The following RFTN1 variants were observed in gnomAD, a reference collection of about 807,000 sequenced individuals.
The protein encoded by RFTN1 is raftlin.
In RFTN1, 26 loss-of-function variants were observed where a neutral mutation model predicts 46.5. That is an observed-to-expected ratio of 0.56 (90% confidence interval 0.41 to 0.78). The LOEUF (loss-of-function observed/expected upper bound fraction) is 0.78, where lower values mean the gene tolerates loss of function less well. Ranked by LOEUF, RFTN1 falls within the 30% of genes least tolerant of loss-of-function variation. The probability of loss-of-function intolerance (pLI) is 0.00; values close to 1 mark genes in which losing one functional copy is unlikely to be tolerated. For synonymous variants in RFTN1, 261 were observed against 284.2 expected (o/e 0.92, Z 0.82); for missense variants, 693 against 718.7 (o/e 0.96, Z 0.41).
chr3:16,404,560 G>A (rs2074804360), intron 4 of RFTN1, among the ~76,000 whole-genome samples: 1 of 149,996 alleles, frequency 6.7e-6, no homozygotes, highest in Admixed American at 6.8e-5. Flanking sequence ...ATCAAAGGAA[G>A]CCCACCCAGA....
At chr3:16,503,819 T>G (rs896917598) in intron 1 of RFTN1, among the ~76,000 whole-genome samples, 1 of 152,230 alleles carries the variant, frequency 6.6e-6, no homozygotes, top group Non-Finnish European at 1.5e-5. Flanking sequence ...TCCAAAATTA[T>G]TTTAATTATA....
rs1389923769 is a variant in RFTN1, at chr3:16,425,265, G to A, written c.332+8586C>T. ...AGATTGTATGTACATGTGGGAAGAG[G>A]GGGCCTCTATTTTATTTAAAAACAA... On this transcript the variant is annotated intron_variant, in intron 3 of 9. Transcript: ENST00000334133. The surrounding 1 kb of genome is among the most constrained non-coding windows in gnomAD (Gnocchi z 4.3). Among the ~76,000 whole-genome samples, 1 of 152,110 alleles carries A rather than the reference G, an allele frequency of 6.6e-6. No individual in the cohort carries two copies. The highest frequency in any genetic ancestry group is 1.5e-5 in the Non-Finnish European group (1 of 68,006).
At chr3:16,436,023 C>A (rs763058329) in intron 2 of RFTN1, among the ~76,000 whole-genome samples, 11 of 150,526 alleles carry the variant, frequency 7.3e-5, no homozygotes, top group Non-Finnish European at 1.5e-4. Flanking sequence ...GATTTATCTG[C>A]CATCAGTGAT....
Position 16,465,419 on chromosome 3 carries a change from GACACACACAC to G in RFTN1, c.145+28296_145+28305del, listed in dbSNP as rs10560544. On this transcript the variant is annotated intron_variant, in intron 2 of 9. Transcript: ENST00000334133. This position sits in a 1 kb window ranked among gnomAD's most constrained non-coding sequence, Gnocchi z 5.1. ...CCAACAGAGGTTGGCAGCTCAGAGG[GACACACACAC>G]ACACACACACACACACACACACACA... Among the ~76,000 whole-genome samples, 1,539 of 143,394 alleles carry G rather than the reference GACACACACAC, an allele frequency of 0.011. 9 individuals carry two copies. Among genetic ancestry groups the G allele is most frequent in the Middle Eastern group, 0.025 (7 of 282 alleles). The allele number at this position is 143,394 out of a possible 152,430, so 94.1% of individuals were successfully genotyped here.
At position 16,507,820 on chromosome 3, in the gene RFTN1, T is replaced by TACACAC. The variant is rs1376061163; in HGVS notation, c.-9+5621_-9+5622insGTGTGT. On this transcript the variant is annotated intron_variant, in intron 1 of 9. Coordinates refer to ENST00000334133, the MANE Select transcript of RFTN1 (RefSeq NM_015150.2). This position sits in a 1 kb window ranked among gnomAD's most constrained non-coding sequence, Gnocchi z 7.1. Reference sequence around the variant, plus strand: ...ACACACACAAACGCACATACATACATACATACACACACACACACATACACA... The same window carrying TACACAC: ...ACACACACAAACGCACATACATACATACACACACATACACACACACACACATACACA... Among the ~76,000 whole-genome samples the TACACAC allele has an allele frequency of 8.1e-6, 1 of 123,646 alleles. No homozygotes were observed. Among genetic ancestry groups the TACACAC allele is most frequent in the Non-Finnish European group, 1.7e-5 (1 of 57,404 alleles). 81.1% of individuals were successfully genotyped at this position (123,646 alleles called of 152,430 possible).
intron 4 of RFTN1, among the ~76,000 whole-genome samples, chr3:16,401,802 T>C (rs561747641): frequency 6.0e-4 from 92 of 152,314 alleles, no homozygotes; most frequent in African/African-American, 2.2e-3. Context: ...TTAACTTCTC[T>C]AAAACAAAGC....
At chr3:16,377,098 G>A (rs1220242365) in intron 5 of RFTN1, among the ~76,000 whole-genome samples, 9 of 152,044 alleles carry the variant, frequency 5.9e-5, no homozygotes, top group Non-Finnish European at 8.8e-5. Flanking sequence ...CCTGAAGAAA[G>A]TAGAGAAAAA....
chr3:16,467,807 G>A (rs1356256152), intron 2 of RFTN1, among the ~76,000 whole-genome samples: 1 of 152,220 alleles, frequency 6.6e-6, no homozygotes, highest in Admixed American at 6.5e-5. Flanking sequence ...ATGGGTGAAA[G>A]CCTTTCACAG....
chr3:16,369,261 TCAA>T (rs1028726078), intron 6 of RFTN1, among the ~76,000 whole-genome samples: 4 of 152,214 alleles, frequency 2.6e-5, no homozygotes, highest in African/African-American at 4.8e-5. Context: ...AGAAAACAGC[TCAA>T]CAACAACACA....
Position 16,446,958 on chromosome 3 carries a change from A to T in RFTN1, c.146-12921T>A, listed in dbSNP as rs1305266110. On this transcript the variant is annotated intron_variant, in intron 2 of 9. Coordinates refer to ENST00000334133, the MANE Select transcript of RFTN1 (RefSeq NM_015150.2). This position sits in a 1 kb window ranked among gnomAD's most constrained non-coding sequence, Gnocchi z 4.5. ...AACTATGGAAACTATTGGAAATCAT[A>T]AAGACCACGTGTAAGACTAGTTTCA... is the stretch of plus-strand genomic sequence containing the variant. Among the ~76,000 whole-genome samples, 1 of 152,258 alleles carries T rather than the reference A, an allele frequency of 6.6e-6. No individual in the cohort carries two copies. Among genetic ancestry groups the T allele is most frequent in the African/African-American group, 2.4e-5 (1 of 41,468 alleles).
At chr3:16,397,781 CCTCT>C (rs199626819) in intron 4 of RFTN1, among the ~76,000 whole-genome samples, 3 of 108,412 alleles carry the variant, frequency 2.8e-5, no homozygotes, top group African/African-American at 2.8e-5. Flanking sequence ...GGTCTCTCTC[CCTCT>C]CTCTCTCTCT....
At chr3:16,347,620 G>T (rs2071818662) in intron 7 of RFTN1, 1 of 152,182 alleles carries the variant, frequency 6.6e-6, no homozygotes, top group Admixed American at 6.5e-5. Flanking sequence ...CCACCTCTGT[G>T]TGCACACTCA....
rs543480819 is a variant in RFTN1, at chr3:16,384,585, G to A, written c.442-6483C>T. On this transcript the variant is annotated intron_variant, in intron 4 of 9. Coordinates refer to ENST00000334133, the MANE Select transcript of RFTN1 (RefSeq NM_015150.2). The surrounding 1 kb of genome is among the most constrained non-coding windows in gnomAD (Gnocchi z 4.7). ...TGCTACACACCAGGTAAGGGAGGTT[G>A]TATCTATAACTGATGGATTTATTTT... 6.6e-6 allele frequency among the ~76,000 whole-genome samples: 1 copy of A among 152,266 alleles called. No individual in the cohort carries two copies. The highest frequency in any genetic ancestry group is 2.4e-5 in the African/African-American group (1 of 41,542).
rs1034890280 is a variant in RFTN1 at position 16,402,158 on chromosome 3, C to G, written c.441+7217G>C. 2.6e-5 allele frequency among the ~76,000 whole-genome samples: 4 copies of G among 152,218 alleles called. No individual in the cohort carries two copies. The highest frequency in any genetic ancestry group is 9.6e-5 in the African/African-American group (4 of 41,452). ...TGTGTTCTTGGTCCTTACAGATGAC[C>G]CCATCTCACACCTGAGTCACCCAGG... is the stretch of plus-strand genomic sequence containing the variant. On this transcript the variant is annotated intron_variant, in intron 4 of 9. Coordinates refer to ENST00000334133, the MANE Select transcript of RFTN1 (RefSeq NM_015150.2). This position sits in a 1 kb window ranked among gnomAD's most constrained non-coding sequence, Gnocchi z 4.5.
intron 7 of RFTN1, among the ~76,000 whole-genome samples, chr3:16,330,542 C>T (rs764599667): frequency 6.6e-6 from 1 of 152,176 alleles, no homozygotes; most frequent in African/African-American, 2.4e-5. Context: ...GCCTGCTTAT[C>T]AAACAAAAAG....
Position 16,316,989 on chromosome 3 carries a change from G to C in RFTN1, c.1576C>G (p.Leu526Val). Residue 526 changes from leucine to valine, a missense_variant, in exon 10 of 10, where the codon CTG becomes GTG. Coordinates refer to ENST00000334133, the MANE Select transcript of RFTN1 (RefSeq NM_015150.2). This position sits in a 1 kb window ranked among gnomAD's most constrained non-coding sequence, Gnocchi z 4.5. ...KGEQLSPGGL[L>V]CGVGVEGEAV... ...TCACCCTCCACACCCACCCCACACA[G>C]CAGGCCACCAGGGGACAGCTGTTCT... The C allele has an allele frequency of 6.2e-7, 1 of 1,613,426 alleles. No homozygotes were observed. Among genetic ancestry groups the C allele is most frequent in the East Asian group, 2.2e-5 (1 of 44,764 alleles).
rs1051388945 is a variant in RFTN1 at position 16,507,333 on chromosome 3, A to G, written c.-9+6109T>C. Among the ~76,000 whole-genome samples the G allele has an allele frequency of 1.3e-5, 2 of 152,238 alleles. No homozygotes were observed. The highest frequency in any genetic ancestry group is 1.3e-4 in the Admixed American group (2 of 15,282). ...CACTTATAAGGTATCATAAGACACCAGAAAATCCCAAAAGACCTCTCTAAA... is the reference window on the plus strand; with the variant it reads ...CACTTATAAGGTATCATAAGACACCGGAAAATCCCAAAAGACCTCTCTAAA... On this transcript the variant is annotated intron_variant, in intron 1 of 9. Transcript: ENST00000334133. This position sits in a 1 kb window ranked among gnomAD's most constrained non-coding sequence, Gnocchi z 7.1.
intron 7 of RFTN1, among the ~76,000 whole-genome samples, chr3:16,343,071 C>T (rs1337837729): frequency 1.3e-5 from 2 of 152,124 alleles, no homozygotes; most frequent in Non-Finnish European, 2.9e-5. Context: ...TTTTGAACTC[C>T]TGGGCTTAAA....
At position 16,381,479 on chromosome 3, in the gene RFTN1, G is replaced by A. The variant is rs775420446; in HGVS notation, c.442-3377C>T. 1.2e-4 allele frequency among the ~76,000 whole-genome samples: 18 copies of A among 152,282 alleles called. No individual in the cohort carries two copies. The highest frequency in any genetic ancestry group is 3.4e-3 in the Middle Eastern group (1 of 294). Reference sequence around the variant, plus strand: ...TCAGGGATGTAACAAATGACGTGGTGTAACACAAAAGGAAGAATAAGAAAT... The same window carrying A: ...TCAGGGATGTAACAAATGACGTGGTATAACACAAAAGGAAGAATAAGAAAT... On this transcript the variant is annotated intron_variant, in intron 4 of 9. Coordinates refer to ENST00000334133, the MANE Select transcript of RFTN1 (RefSeq NM_015150.2). The surrounding 1 kb of genome is among the most constrained non-coding windows in gnomAD (Gnocchi z 4.2).
Sources: gnomAD v4.1 joint callset for allele counts (sites outside exome capture counted in the v4.1 genomes callset) on GRCh38, gnomAD v4.1.1 for gene constraint, Gnocchi (gnomAD v3.1) non-coding constraint, MANE v1.5 for transcripts, NCBI Gene and HGNC (gene_info 2026-07-23, HGNC 2026-07-21) for gene names.